RBFOX1: variants seen among roughly 807,000 people sequenced by gnomAD.
RBFOX1 encodes RNA binding protein fox-1 homolog 1.
In RBFOX1, 8 loss-of-function variants were observed where a neutral mutation model predicts 57.7. The observed-to-expected ratio is 0.14, with a 90% confidence interval of 0.08 to 0.25. RBFOX1 has a LOEUF of 0.25. Among genes scored for constraint, RBFOX1 ranks in the 10% least tolerant of loss-of-function variants. The pLI is 1.00. For missense variants in RBFOX1, 611 were observed against 548.5 expected (o/e 1.11, Z -1.14); for synonymous variants, 326 against 222.4 (o/e 1.47, Z -4.15).
intron 1 of RBFOX1, among the ~76,000 whole-genome samples, chr16:5,438,958 G>T (rs2067999852): frequency 6.6e-6 from 1 of 150,730 alleles, no homozygotes; most frequent in Admixed American, 6.6e-5. Context: ...TGGTAAGGAG[G>T]TAACAAGTTA....
intron 2 of RBFOX1, among the ~76,000 whole-genome samples, chr16:6,320,985 G>C (rs1164940728): frequency 6.6e-6 from 1 of 152,068 alleles, no homozygotes; most frequent in Non-Finnish European, 1.5e-5. Context: ...GTAGAAATGG[G>C]GTTTTGCCAT....
chr16:6,447,204 G>C (rs1448772895), intron 2 of RBFOX1, among the ~76,000 whole-genome samples: 1 of 152,160 alleles, frequency 6.6e-6, no homozygotes, highest in African/African-American at 2.4e-5. Context: ...TTGTGTGACA[G>C]ATTGTCTAAC....
At chr16:5,643,365 C>T (rs1596560342) in intron 3 of RBFOX1, among the ~76,000 whole-genome samples, 1 of 152,112 alleles carries the variant, frequency 6.6e-6, no homozygotes. Flanking sequence ...GTGGCTAAAC[C>T]TTAGGCATTA....
At chr16:5,602,641 G>C (rs1458267552), downstream of RBFOX1, among the ~76,000 whole-genome samples, 1 of 152,150 alleles carries the variant, frequency 6.6e-6, no homozygotes, top group Non-Finnish European at 1.5e-5. Context: ...CAGATGGAAA[G>C]TTCAACTAAA....
chr16:5,276,251 C>G (rs908407056), intron 1 of RBFOX1, among the ~76,000 whole-genome samples: 3 of 152,132 alleles, frequency 2.0e-5, no homozygotes, highest in Non-Finnish European at 2.9e-5. Context: ...ACAGATCACC[C>G]AGAGAGTGGG....
chr16:6,877,025 G>C (rs1035045754), intron 3 of RBFOX1, among the ~76,000 whole-genome samples: 5 of 152,054 alleles, frequency 3.3e-5, no homozygotes, highest in Admixed American at 6.6e-5. Context: ...TTCTGCTATT[G>C]TTTCTTATTA....
intron 1 of RBFOX1, among the ~76,000 whole-genome samples, chr16:5,325,339 C>A (rs960435477): frequency 3.9e-5 from 6 of 152,162 alleles, no homozygotes; most frequent in African/African-American, 1.4e-4. Context: ...TTTGTATCTG[C>A]ATTTACTTTT....
At chr16:7,652,871 C>G (rs2065380680) in intron 11 of RBFOX1, among the ~76,000 whole-genome samples, 1 of 152,128 alleles carries the variant, frequency 6.6e-6, no homozygotes, top group Admixed American at 6.5e-5. Context: ...ATACCACATA[C>G]ATGTGTCAGT....
intron 14 of RBFOX1, among the ~76,000 whole-genome samples, chr16:7,678,312 G>GAAAGT (rs376455939): frequency 6.6e-6 from 1 of 152,142 alleles, no homozygotes; most frequent in African/African-American, 2.4e-5. Flanking sequence ...ACTGGATTAG[G>GAAAGT]AAAGTAGAGA....
In RBFOX1 at chr16:5,355,187, C is replaced by T. The variant is rs561161040; in HGVS notation, c.220-112029C>T. Among the ~76,000 whole-genome samples the T allele has an allele frequency of 3.3e-5, 5 of 152,246 alleles. No individual in the cohort carries two copies. In the East Asian group the frequency reaches 9.7e-4, roughly 29 times the overall value. Reference sequence around the variant, plus strand: ...GTTGAATTTTGGAGAAATGGAGCTTCTGTGAGTTTCCCAAACTTGCATCAT... The same window carrying T: ...GTTGAATTTTGGAGAAATGGAGCTTTTGTGAGTTTCCCAAACTTGCATCAT... On this transcript the variant is annotated intron_variant, in intron 1 of 2. Coordinates refer to the RBFOX1 transcript ENST00000585867.
chr16:6,601,785 AACAGGACCTTGCTC>A (rs1363443885), intron 2 of RBFOX1, among the ~76,000 whole-genome samples: 1 of 152,208 alleles, frequency 6.6e-6, no homozygotes, highest in Non-Finnish European at 1.5e-5. Context: ...AACCAAAGCA[AACAGGACCTTGCTC>A]AGCCAACTAG....
chr16:7,197,110 G>A (rs542026144), intron 4 of RBFOX1, among the ~76,000 whole-genome samples: 3 of 152,250 alleles, frequency 2.0e-5, no homozygotes, highest in African/African-American at 7.2e-5. Context: ...ATCTCTCCCA[G>A]TTATTCCTTC....
intron 2 of RBFOX1, among the ~76,000 whole-genome samples, chr16:5,584,125 C>A (rs902177146): frequency 1.2e-4 from 19 of 152,206 alleles, no homozygotes; most frequent in Admixed American, 9.8e-4. Flanking sequence ...TGAGGAAACC[C>A]TGGGCAGATT....
In RBFOX1 at chr16:7,151,541, C is replaced by A. The variant is rs868577751; in HGVS notation, c.27+99443C>A. Among the ~76,000 whole-genome samples, 4 of 152,138 alleles carry A rather than the reference C, an allele frequency of 2.6e-5. No homozygotes were observed. The South Asian group carries it at 8.3e-4, about 31-fold the overall frequency. ...AGCCTCTAGACCAGCACTCCCCAAC[C>A]TTTTTGGCATTAGGGACTGGTTTCA... On this transcript the variant is annotated intron_variant, in intron 4 of 15. Transcript: ENST00000550418.
chr16:6,266,700 C>G (rs1361787347), intron 1 of RBFOX1, among the ~76,000 whole-genome samples: 1 of 149,038 alleles, frequency 6.7e-6, no homozygotes, highest in Non-Finnish European at 1.5e-5. Context: ...GGTGACAGTG[C>G]AAGACTCTGT....
chr16:5,485,210 G>T (rs935376426), intron 2 of RBFOX1, among the ~76,000 whole-genome samples: 2 of 151,926 alleles, frequency 1.3e-5, no homozygotes, highest in African/African-American at 4.8e-5. Flanking sequence ...GCCTGGCGTA[G>T]TGGCAGGTGT....
chr16:6,937,678 GTTA>G (rs1465346658), intron 3 of RBFOX1, among the ~76,000 whole-genome samples: 16 of 152,096 alleles, frequency 1.1e-4, no homozygotes, highest in African/African-American at 3.9e-4. Flanking sequence ...GGGCTTCCAC[GTTA>G]TTGGCAATTG....
At chr16:6,953,103 G>C (rs568319552) in intron 3 of RBFOX1, among the ~76,000 whole-genome samples, 1 of 152,152 alleles carries the variant, frequency 6.6e-6, no homozygotes, top group Non-Finnish European at 1.5e-5. Flanking sequence ...AAGAAGGCTT[G>C]AAGGTCTGCG....
intron 1 of RBFOX1, among the ~76,000 whole-genome samples, chr16:6,214,617 GAGGGAGAAAGAC>G (rs2097320704): frequency 7.9e-6 from 1 of 126,488 alleles, no homozygotes; most frequent in African/African-American, 3.1e-5. Flanking sequence ...GGGAGAAGGA[GAGGGAGAAAGAC>G]AGGGAGAGGG....
Sources: gnomAD v4.1 joint callset for allele counts (sites outside exome capture counted in the v4.1 genomes callset) on GRCh38, gnomAD v4.1.1 for gene constraint, MANE v1.5 for transcripts, NCBI Gene and HGNC (gene_info 2026-07-23, HGNC 2026-07-21) for gene names.